CTNNA3: variants seen among roughly 807,000 people sequenced by gnomAD.
The protein encoded by CTNNA3 is catenin alpha 3.
In CTNNA3, 76 loss-of-function variants were observed where a neutral mutation model predicts 95.7. The ratio of observed to expected loss-of-function variants is 0.79; its 90% CI spans 0.66 to 0.96. The LOEUF (loss-of-function observed/expected upper bound fraction) is 0.96, where lower values mean the gene tolerates loss of function less well. Ranked by LOEUF, CTNNA3 falls within the 40% of genes least tolerant of loss-of-function variation. The pLI, the probability that CTNNA3 is intolerant of heterozygous loss-of-function variation, is 0.00. For missense variants in CTNNA3, 1,191 were observed against 1,089.8 expected, an observed-to-expected ratio of 1.09 and a Z score of -1.31; for synonymous variants, 431 against 374.4, an observed-to-expected ratio of 1.15 and a Z score of -1.74.
At chr10:66,095,808 T>C (rs1176323173) in intron 14 of CTNNA3, among the ~76,000 whole-genome samples, 5 of 152,268 alleles carry the variant, frequency 3.3e-5, no homozygotes, top group South Asian at 2.1e-4. Context: ...TAGGCAACTG[T>C]TCTTATTTCT....
At chr10:66,825,128 A>G (rs530318699) in intron 7 of CTNNA3, among the ~76,000 whole-genome samples, 8 of 151,064 alleles carry the variant, frequency 5.3e-5, no homozygotes, top group African/African-American at 1.9e-4. Flanking sequence ...CCACATATTA[A>G]AAGCACATTC....
At chr10:67,655,848 C>G (rs572702305) in intron 1 of CTNNA3, among the ~76,000 whole-genome samples, 1 of 151,624 alleles carries the variant, frequency 6.6e-6, no homozygotes, top group Non-Finnish European at 1.5e-5. Flanking sequence ...CGCTCTCCCC[C>G]ATCACCATGC....
Position 67,634,027 on chromosome 10 carries a change from G to A in CTNNA3, c.99+13388C>T, listed in dbSNP as rs115730045. On this transcript the variant is annotated intron_variant, in intron 2 of 17. Transcript: ENST00000433211. ...AAGATCAACCCCAAGACAAATAATC[G>A]TCAGATTCTTCAAGGTTAAAATGAA... Among the ~76,000 whole-genome samples the A allele has an allele frequency of 6.9e-3, 1,042 of 152,092 alleles. 15 individuals are homozygous for A. Among genetic ancestry groups the A allele is most frequent in the African/African-American group, 0.023 (968 of 41,496 alleles).
chr10:67,572,440 G>C (rs545000890), intron 3 of CTNNA3, among the ~76,000 whole-genome samples: 4 of 152,050 alleles, frequency 2.6e-5, no homozygotes, highest in Non-Finnish European at 5.9e-5. Context: ...TTATCCCCTC[G>C]AAGCATAACT....
At chr10:67,110,284 G>C (rs1398623194) in intron 7 of CTNNA3, among the ~76,000 whole-genome samples, 1 of 152,102 alleles carries the variant, frequency 6.6e-6, no homozygotes, top group East Asian at 1.9e-4. Context: ...ACAACCTTTA[G>C]CTTTTTTAAG....
intron 13 of CTNNA3, among the ~76,000 whole-genome samples, chr10:66,118,887 T>C (rs935288095): frequency 5.9e-5 from 9 of 152,016 alleles, no homozygotes; most frequent in African/African-American, 2.2e-4. Flanking sequence ...TGTGTCACAC[T>C]ATTCTTTTTA....
chr10:66,039,818 G>A lies in CTNNA3; in HGVS notation c.2159+29490C>T, dbSNP rs78360666. On this transcript the variant is annotated intron_variant, in intron 15 of 17. Transcript: ENST00000433211. ...GCAATACCATTTTGGACATATGAAC[G>A]GGCAAAGATTTCATGATAAAGACAT... Among the ~76,000 whole-genome samples the A allele has an allele frequency of 2.6e-3, 403 of 152,114 alleles. 2 individuals are homozygous for A. The highest frequency in any genetic ancestry group is 8.9e-3 in the African/African-American group (370 of 41,490).
intron 5 of CTNNA3, among the ~76,000 whole-genome samples, chr10:67,487,806 A>G (rs1201733232): frequency 6.6e-6 from 1 of 152,192 alleles, no homozygotes; most frequent in Non-Finnish European, 1.5e-5. Flanking sequence ...TCACCAAGAC[A>G]GTGGTGACTG....
chr10:66,623,214 CA>C (rs987244335), intron 9 of CTNNA3, among the ~76,000 whole-genome samples: 51 of 151,634 alleles, frequency 3.4e-4, no homozygotes, highest in African/African-American at 1.1e-3. Flanking sequence ...ACTGCATTTG[CA>C]AAAAATACTG....
At chr10:66,957,393 CAT>C (rs10532386) in intron 7 of CTNNA3, among the ~76,000 whole-genome samples, 1,138 of 82,906 alleles carry the variant, frequency 0.014, 22 homozygotes, top group African/African-American at 0.061. Flanking sequence ...TATATATATA[CAT>C]ATATATATAT....
intron 17 of CTNNA3, among the ~76,000 whole-genome samples, chr10:65,923,470 A>G (rs992434557): frequency 2.0e-5 from 3 of 152,250 alleles, no homozygotes; most frequent in Non-Finnish European, 4.4e-5. Flanking sequence ...GTTTCTGAAC[A>G]GATTTTTAAA....
intron 13 of CTNNA3, among the ~76,000 whole-genome samples, chr10:66,198,875 G>A (rs1453035442): frequency 6.6e-6 from 1 of 152,042 alleles, no homozygotes; most frequent in Non-Finnish European, 1.5e-5. Context: ...TAATATTGCT[G>A]GATCTTATTC....
At chr10:65,995,568 G>T (rs1229613998) in intron 15 of CTNNA3, among the ~76,000 whole-genome samples, 1 of 152,192 alleles carries the variant, frequency 6.6e-6, no homozygotes, top group Non-Finnish European at 1.5e-5. Context: ...GGGCCCACAG[G>T]CAGCGTGCAT....
chr10:65,969,606 CTAATT>C (rs1226082526), intron 16 of CTNNA3, among the ~76,000 whole-genome samples: 2 of 152,054 alleles, frequency 1.3e-5, no homozygotes, highest in East Asian at 1.9e-4. Flanking sequence ...AATTAAAAAA[CTAATT>C]TAATTTCAAA....
intron 13 of CTNNA3, among the ~76,000 whole-genome samples, chr10:66,253,730 C>T (rs1275613618): frequency 6.6e-6 from 1 of 151,984 alleles, no homozygotes; most frequent in Non-Finnish European, 1.5e-5. Flanking sequence ...CGTTGTGTGT[C>T]TGTGTGTTTC....
At chr10:66,864,389 C>T (rs1844078676) in intron 7 of CTNNA3, among the ~76,000 whole-genome samples, 1 of 152,100 alleles carries the variant, frequency 6.6e-6, no homozygotes, top group Non-Finnish European at 1.5e-5. Flanking sequence ...CTTCCACCTT[C>T]CCATGTAATG....
intron 7 of CTNNA3, among the ~76,000 whole-genome samples, chr10:67,058,266 C>T (rs1855557525): frequency 6.6e-6 from 1 of 152,154 alleles, no homozygotes; most frequent in South Asian, 2.1e-4. Context: ...TATGCAGATA[C>T]CATATTTGGT....
chr10:67,003,583 C>T (rs1242694219), intron 7 of CTNNA3, among the ~76,000 whole-genome samples: 1 of 152,156 alleles, frequency 6.6e-6, no homozygotes, highest in African/African-American at 2.4e-5. Context: ...AATATTTTAT[C>T]TACATTTAAC....
chr10:66,899,679 C>T lies in CTNNA3; in HGVS notation c.1048-124155G>A, dbSNP rs111737741. Among the ~76,000 whole-genome samples the T allele has an allele frequency of 3.7e-3, 561 of 152,224 alleles. 3 individuals carry two copies. The highest frequency in any genetic ancestry group is 0.013 in the African/African-American group (530 of 41,536). On this transcript the variant is annotated intron_variant, in intron 7 of 17. Coordinates refer to ENST00000433211, the MANE Select transcript of CTNNA3 (RefSeq NM_013266.4). ...TGTGCTTTTCAATGGTCTTAGCAAC[C>T]GGCAGACCAGGCGATTCCCTCCCAT...
Sources: allele counts gnomAD v4.1 joint callset (sites outside exome capture counted in the v4.1 genomes callset), GRCh38; gene constraint gnomAD v4.1.1; transcripts MANE v1.5; gene names NCBI Gene and HGNC (gene_info 2026-07-23, HGNC 2026-07-21).